RYR3: variants seen among roughly 807,000 people sequenced by gnomAD.
RYR3 encodes brain ryanodine receptor-calcium release channel.
RYR3 carries 207 observed loss-of-function variants against 584.3 expected under a neutral mutation model. That is an observed-to-expected ratio of 0.35 (90% CI 0.32 to 0.40). The LOEUF (loss-of-function observed/expected upper bound fraction) is 0.40. RYR3 is among the 10% of genes least tolerant of loss of function. The probability of loss-of-function intolerance (pLI) is 1.00; values close to 1 mark genes in which losing one functional copy is unlikely to be tolerated. For missense variants in RYR3, 5,616 were observed against 6,089.2 expected, an observed-to-expected ratio of 0.92 and a Z score of 2.59; for synonymous variants, 2,416 against 2,248.5, an observed-to-expected ratio of 1.07 and a Z score of -2.11.
chr15:33,670,470 G>A lies in RYR3; in HGVS notation c.5774G>A (p.Gly1925Glu). Reference protein sequence around the residue: ...EEEEEDTSWTGKLCALVYKIK... With the variant: ...EEEEEDTSWTEKLCALVYKIK... Reference sequence around the variant, plus strand: ...GAGGAGGAGGACACCTCCTGGACAGGAAAACTCTGTGCCTTGGTTTACAAA... The same window carrying A: ...GAGGAGGAGGACACCTCCTGGACAGAAAAACTCTGTGCCTTGGTTTACAAA... Residue 1925 changes from glycine to glutamate, a missense_variant, in exon 38 of 104, where the codon GGA becomes GAA. By Grantham distance (98) the Gly-to-Glu change is moderately conservative. This residue lies in a region of RYR3 where 1,280 missense variants were observed against 1,426.2 expected (regional missense o/e 0.90). Transcript: ENST00000634891. The A allele has an allele frequency of 6.2e-7, 1 of 1,612,220 alleles. No homozygotes were observed. The highest frequency in any genetic ancestry group is 8.5e-7 in the Non-Finnish European group (1 of 1,179,370).
intron 1 of RYR3, among the ~76,000 whole-genome samples, chr15:33,323,252 C>G (rs1287234658): frequency 6.6e-6 from 1 of 152,060 alleles, no homozygotes; most frequent in East Asian, 1.9e-4. Flanking sequence ...GCTGGGACTA[C>G]AGGCACCCGC....
chr15:33,702,547 C>T (rs896347221), intron 42 of RYR3, among the ~76,000 whole-genome samples: 3 of 152,034 alleles, frequency 2.0e-5, no homozygotes, highest in Non-Finnish European at 2.9e-5. Flanking sequence ...CTGAGGAGGC[C>T]GGCGATGAGT....
intron 30 of RYR3, among the ~76,000 whole-genome samples, chr15:33,648,592 G>GA (rs2062245265): frequency 6.6e-6 from 1 of 152,160 alleles, no homozygotes. Context: ...AGACTTTCCA[G>GA]AAAAAAGCAC....
In RYR3 at chr15:33,841,967, G is replaced by A. The variant is rs1186114761; in HGVS notation, c.13141G>A (p.Val4381Ile). The A allele has an allele frequency of 6.2e-7, 1 of 1,603,496 alleles. No individual in the cohort carries two copies. The highest frequency in any genetic ancestry group is 1.7e-5 in the Admixed American group (1 of 58,718). The stretch of plus-strand genomic sequence containing the variant: ...GAAGAAGCGGCGGTGTGGTCAGAAG[G>A]TTGAGAAGCCGGAAGCTTTCACAGC... ...KKKKRRCGQK[V>I]EKPEAFTANF... The change falls in exon 91 of 104, where the codon GTT becomes ATT. Residue 4381 changes from valine (V) to isoleucine (I), a missense_variant. Val to Ile is a conservative substitution (Grantham distance 29, BLOSUM62 3). This residue lies in a region of RYR3 where 918 missense variants were observed against 887.4 expected (regional missense o/e 1.03). Transcript: ENST00000634891.
At chr15:33,377,841 T>A (rs1242411038) in intron 1 of RYR3, among the ~76,000 whole-genome samples, 1 of 152,174 alleles carries the variant, frequency 6.6e-6, no homozygotes. Context: ...TCACCCAGGC[T>A]GGAGTGCAGT....
rs1020599124 is a variant in RYR3 at position 33,681,053 on chromosome 15, C to T, written c.5860+10497C>T. Among the ~76,000 whole-genome samples the T allele has an allele frequency of 5.3e-5, 8 of 152,198 alleles. No individual in the cohort carries two copies. The East Asian group carries it at 5.8e-4, about 11-fold the overall frequency. On this transcript the variant is annotated intron_variant, in intron 38 of 103. Transcript: ENST00000634891. ...AATGTCAGCTCTGGCTTCTCAAGAG[C>T]TCTGAGCCAGATTCAGGCAGACCTC...
At chr15:33,320,385 T>G (rs544938680) in intron 1 of RYR3, among the ~76,000 whole-genome samples, 1 of 152,314 alleles carries the variant, frequency 6.6e-6, no homozygotes, top group Non-Finnish European at 1.5e-5. Flanking sequence ...CATCATGAAA[T>G]CTAAAGAAAG....
At chr15:33,623,006 C>G (rs1302950869) in intron 19 of RYR3, among the ~76,000 whole-genome samples, 1 of 152,202 alleles carries the variant, frequency 6.6e-6, no homozygotes, top group Non-Finnish European at 1.5e-5. Context: ...TGGTGGTAAT[C>G]AGAGCCTGCC....
chr15:33,803,866 T>C (rs1202582384), intron 69 of RYR3, among the ~76,000 whole-genome samples: 1 of 152,206 alleles, frequency 6.6e-6, no homozygotes, highest in Non-Finnish European at 1.5e-5. Context: ...CCAGCTAGCA[T>C]CCATTGGGAT....
chr15:33,670,273 A>G lies in RYR3; in HGVS notation c.5723-146A>G, dbSNP rs1002620165. ...TTCAAAAGCTATAAGATAGGTAACT[A>G]TTCACGAGAATAGTATCTTTAGAAA... On this transcript the variant is annotated intron_variant, in intron 37 of 103. Coordinates refer to ENST00000634891, the MANE Select transcript of RYR3 (RefSeq NM_001036.6). The G allele has an allele frequency of 1.8e-5, 14 of 784,746 alleles. No individual in the cohort carries two copies. In the African/African-American group the frequency reaches 2.5e-4, roughly 14 times the overall value. 48.6% of individuals were successfully genotyped at this position (784,746 alleles called of 1,614,324 possible).
intron 23 of RYR3, among the ~76,000 whole-genome samples, chr15:33,632,655 TA>T (rs2061326254): frequency 6.6e-6 from 1 of 152,244 alleles, no homozygotes. Flanking sequence ...ACGTGCCCAT[TA>T]TTTCTAGAGA....
chr15:33,321,283 A>G (rs1467376196), intron 1 of RYR3, among the ~76,000 whole-genome samples: 2 of 152,188 alleles, frequency 1.3e-5, no homozygotes, highest in Admixed American at 1.3e-4. Context: ...CTGGCTTTTC[A>G]TATCCAAGGA....
chr15:33,702,551 G>A (rs1014224694), intron 42 of RYR3, among the ~76,000 whole-genome samples: 2 of 152,162 alleles, frequency 1.3e-5, no homozygotes, highest in South Asian at 2.1e-4. Context: ...GGAGGCCGGC[G>A]ATGAGTTTGG....
At position 33,579,047 on chromosome 15, in the gene RYR3, G is replaced by C. The variant is rs1015036208; in HGVS notation, c.1269-929G>C. 2.0e-5 allele frequency among the ~76,000 whole-genome samples: 3 copies of C among 152,280 alleles called. 1 individual carries two copies. The highest frequency in any genetic ancestry group is 7.2e-5 in the African/African-American group (3 of 41,542). On this transcript the variant is annotated intron_variant, in intron 12 of 103. Coordinates refer to ENST00000634891, the MANE Select transcript of RYR3 (RefSeq NM_001036.6). ...AGAGATTAAAACAGAAAAAGAGACA[G>C]AGAAACTTGCGGAATAGGAGGAACA...
chr15:33,423,583 A>G (rs145382744), intron 1 of RYR3, among the ~76,000 whole-genome samples: 104 of 152,136 alleles, frequency 6.8e-4, no homozygotes, highest in African/African-American at 2.2e-3. Flanking sequence ...ACTGTTTACC[A>G]TTTTACACTT....
intron 1 of RYR3, among the ~76,000 whole-genome samples, chr15:33,331,747 A>G (rs1970401406): frequency 6.6e-6 from 1 of 152,114 alleles, no homozygotes; most frequent in Admixed American, 6.5e-5. Context: ...AGGGTTTAAG[A>G]AGAAAGAAGA....
intron 1 of RYR3, among the ~76,000 whole-genome samples, chr15:33,376,625 C>A (rs1407462998): frequency 1.3e-5 from 2 of 152,226 alleles, no homozygotes; most frequent in Non-Finnish European, 2.9e-5. Flanking sequence ...TAACAGCCAA[C>A]ACTTGCAGCG....
intron 16 of RYR3, among the ~76,000 whole-genome samples, chr15:33,593,028 G>A (rs746063952): frequency 2.0e-5 from 3 of 152,192 alleles, no homozygotes; most frequent in East Asian, 1.9e-4. Flanking sequence ...CAGGAAGACC[G>A]GAAGCTGAGA....
At position 33,827,770 on chromosome 15, in the gene RYR3, G is replaced by A. The variant is rs181560288; in HGVS notation, c.11334+483G>A. 2.5e-3 allele frequency among the ~76,000 whole-genome samples: 374 copies of A among 152,226 alleles called. 1 individual carries two copies. Among genetic ancestry groups the A allele is most frequent in the East Asian group, 7.7e-3 (40 of 5,182 alleles). On this transcript the variant is annotated intron_variant, in intron 85 of 103. Transcript: ENST00000634891. ...ACAAAAAGGGATTTTTTTCCTCTTT[G>A]CTGATTCCTCATCCTGGTTCTGCCA...
Sources: gnomAD v4.1 joint callset for allele counts (sites outside exome capture counted in the v4.1 genomes callset) on GRCh38, gnomAD v4.1.1 for gene constraint, gnomAD v4.1.1 regional missense constraint, MANE v1.5 for transcripts, NCBI Gene and HGNC (gene_info 2026-07-23, HGNC 2026-07-21) for gene names.